STIM1: variants seen among roughly 807,000 people sequenced by gnomAD.
STIM1 encodes stromal interaction molecule 1.
A neutral mutation model predicts 74.7 loss-of-function variants in STIM1; 25 were observed. The ratio of observed to expected loss-of-function variants is 0.33; its 90% CI spans 0.24 to 0.47. The LOEUF (loss-of-function observed/expected upper bound fraction) is 0.47, where lower values mean the gene tolerates loss of function less well. Among genes scored for constraint, STIM1 ranks in the 20% least tolerant of loss-of-function variants. The pLI, the probability that STIM1 is intolerant of heterozygous loss-of-function variation, is 1.00. For synonymous variants in STIM1, 328 were observed against 348.8 expected, an observed-to-expected ratio of 0.94 and a Z score of 0.66; for missense variants, 728 against 920.8, an observed-to-expected ratio of 0.79 and a Z score of 2.71.
intron 1 of STIM1, among the ~76,000 whole-genome samples, chr11:3,897,603 C>T (rs2092222485): frequency 1.3e-5 from 2 of 152,022 alleles, no homozygotes; most frequent in African/African-American, 4.8e-5. Flanking sequence ...TGCTGGTGTG[C>T]TGCACCCATT....
intron 1 of STIM1, among the ~76,000 whole-genome samples, chr11:3,946,894 T>C (rs536580580): frequency 6.6e-6 from 1 of 152,314 alleles, no homozygotes; most frequent in East Asian, 1.9e-4. Context: ...CCTTTCCCTC[T>C]CTGTGTCTCA....
Position 3,894,928 on chromosome 11 carries a change from T to TTC in STIM1, c.139+38519_139+38520insTC, listed in dbSNP as rs869306500. Among the ~76,000 whole-genome samples, 267 of 149,570 alleles carry TTC rather than the reference T, an allele frequency of 1.8e-3. 1 individual carries two copies. Among genetic ancestry groups the TTC allele is most frequent in the Non-Finnish European group, 2.9e-3 (197 of 67,228 alleles). Reference sequence around the variant, plus strand: ...TAATTTTTTTTTTTTTTTTTTTTTTTAGTAGAGACAGGGTTTTGCCATGTT... The same window carrying TTC: ...TAATTTTTTTTTTTTTTTTTTTTTTTTCAGTAGAGACAGGGTTTTGCCATGTT... On this transcript the variant is annotated intron_variant, in intron 1 of 12. Coordinates refer to ENST00000526596, the MANE Select transcript of STIM1 (RefSeq NM_001382567.1).
rs563387851 is a variant in STIM1 at position 3,935,019 on chromosome 11, G to A, written c.140-32533G>A. 9.8e-5 allele frequency among the ~76,000 whole-genome samples: 15 copies of A among 152,320 alleles called. No homozygotes were observed. The South Asian group carries it at 3.1e-3, about 32-fold the overall frequency. ...TGTTCCCTGTAATAGCAGCTGAAAG[G>A]GATCTCTACAGATTATTACTGTCAT... is the stretch of plus-strand genomic sequence containing the variant. On this transcript the variant is annotated intron_variant, in intron 1 of 12. Transcript: ENST00000526596.
chr11:3,897,293 T>A lies in STIM1; in HGVS notation c.139+40884T>A, dbSNP rs59049793. 7.2e-5 allele frequency among the ~76,000 whole-genome samples: 11 copies of A among 152,310 alleles called. No homozygotes were observed. The East Asian group carries it at 1.9e-3, about 27-fold the overall frequency. On this transcript the variant is annotated intron_variant, in intron 1 of 12. Coordinates refer to ENST00000526596, the MANE Select transcript of STIM1 (RefSeq NM_001382567.1). The stretch of plus-strand genomic sequence containing the variant: ...TGATAAAGGCTCTTCTTTCCTCTGC[T>A]GCCTCTTCATTGGATTGACTGAAAG...
At chr11:4,085,810 C>T (rs1334654091) in intron 11 of STIM1, among the ~76,000 whole-genome samples, 5 of 152,222 alleles carry the variant, frequency 3.3e-5, no homozygotes, top group Non-Finnish European at 5.9e-5. Flanking sequence ...TGGTTTCAAC[C>T]TCTAGTGTTT....
chr11:4,040,104 T>G (rs1345580617), intron 3 of STIM1, among the ~76,000 whole-genome samples: 4 of 152,196 alleles, frequency 2.6e-5, no homozygotes. Flanking sequence ...TTTATTTATA[T>G]TTTAATGCTG....
chr11:4,018,069 C>A (rs1035278621), intron 2 of STIM1, among the ~76,000 whole-genome samples: 2 of 152,224 alleles, frequency 1.3e-5, no homozygotes, highest in African/African-American at 4.8e-5. Context: ...AATCCCAGCA[C>A]TTTGGGAGGC....
intron 7 of STIM1, among the ~76,000 whole-genome samples, chr11:4,076,632 A>G (rs2094438977): frequency 6.8e-6 from 1 of 147,956 alleles, no homozygotes; most frequent in Admixed American, 6.8e-5. Flanking sequence ...TAGGGATATT[A>G]TTTCAAATTA....
chr11:3,914,515 CACTGCAAT>C (rs1244140317), intron 1 of STIM1, among the ~76,000 whole-genome samples: 1 of 152,178 alleles, frequency 6.6e-6, no homozygotes, highest in Non-Finnish European at 1.5e-5. Flanking sequence ...AGTCTCAGCT[CACTGCAAT>C]CTCTGCCTCT....
intron 2 of STIM1, among the ~76,000 whole-genome samples, chr11:3,982,872 C>T (rs1189086903): frequency 6.6e-6 from 1 of 152,178 alleles, no homozygotes; most frequent in Non-Finnish European, 1.5e-5. Flanking sequence ...CAGCCCATAA[C>T]AATCCTTAGG....
chr11:3,946,301 T>G (rs747925869), intron 1 of STIM1, among the ~76,000 whole-genome samples: 1 of 152,200 alleles, frequency 6.6e-6, no homozygotes, highest in Non-Finnish European at 1.5e-5. Context: ...GTAGGCCTGA[T>G]GTGAGAATTA....
At chr11:4,080,491 G>A (rs2094459836) in intron 7 of STIM1, among the ~76,000 whole-genome samples, 1 of 122,086 alleles carries the variant, frequency 8.2e-6, no homozygotes, top group Non-Finnish European at 1.7e-5. Flanking sequence ...TTTTGAGACA[G>A]TGTCTCACTC....
chr11:3,859,053 G>GA (rs1415788647), intron 1 of STIM1, among the ~76,000 whole-genome samples: 1 of 152,216 alleles, frequency 6.6e-6, no homozygotes, highest in Non-Finnish European at 1.5e-5. Context: ...TGAGAGCCAA[G>GA]AAAAGGGCTG....
intron 1 of STIM1, among the ~76,000 whole-genome samples, chr11:3,864,712 T>C (rs866117084): frequency 3.3e-5 from 5 of 152,182 alleles, no homozygotes; most frequent in Admixed American, 1.3e-4. Context: ...GCATGAACAC[T>C]AGGAGGGCAA....
chr11:3,980,031 GC>G (rs2093486491), intron 2 of STIM1, among the ~76,000 whole-genome samples: 1 of 151,912 alleles, frequency 6.6e-6, no homozygotes, highest in African/African-American at 2.4e-5. Flanking sequence ...AGTCTCTATC[GC>G]TCGATTTAGC....
At chr11:3,963,404 C>T (rs936452864) in intron 1 of STIM1, among the ~76,000 whole-genome samples, 2 of 152,142 alleles carry the variant, frequency 1.3e-5, no homozygotes, top group African/African-American at 4.8e-5. Flanking sequence ...CATGTCCCTG[C>T]AAAGGACATG....
At chr11:3,974,074 C>A in intron 2 of STIM1, 1 of 704,786 alleles carries the variant, frequency 1.4e-6, no homozygotes, top group East Asian at 2.6e-5. Context: ...ACCCAAAGCC[C>A]CTGGAGCACT....
At chr11:3,951,117 A>AGG (rs898166893) in intron 1 of STIM1, among the ~76,000 whole-genome samples, 4 of 152,194 alleles carry the variant, frequency 2.6e-5, no homozygotes, top group African/African-American at 9.7e-5. Context: ...AGGAGGGAGC[A>AGG]GGGCTATGGA....
chr11:3,873,790 C>T (rs970580544), intron 1 of STIM1, among the ~76,000 whole-genome samples: 2 of 152,136 alleles, frequency 1.3e-5, no homozygotes, highest in South Asian at 2.1e-4. Flanking sequence ...CTGAGCTGAG[C>T]GTATGCTTGT....
Sources: gnomAD v4.1 joint callset for allele counts (sites outside exome capture counted in the v4.1 genomes callset) on GRCh38, gnomAD v4.1.1 for gene constraint, MANE v1.5 for transcripts, NCBI Gene and HGNC (gene_info 2026-07-23, HGNC 2026-07-21) for gene names.